Variants in GASK1A observed in about 807,000 individuals in gnomAD.
GASK1A encodes golgi associated kinase 1A, also known as Golgi-associated kinase 1A.
A neutral mutation model predicts 41.2 loss-of-function variants in GASK1A; 40 were observed. The observed-to-expected ratio is 0.97, with a 90% CI of 0.75 to 1.27. The LOEUF is 1.27. Among genes scored for constraint, GASK1A ranks in the 50% most tolerant of loss-of-function variants. The probability of loss-of-function intolerance (pLI) is 0.00; values close to 1 mark genes in which losing one functional copy is unlikely to be tolerated. For synonymous variants in GASK1A, 316 were observed against 307.1 expected, an observed-to-expected ratio of 1.03 and a Z score of -0.30; for missense variants, 678 against 745.1, an observed-to-expected ratio of 0.91 and a Z score of 1.05.
intron 2 of GASK1A, among the ~76,000 whole-genome samples, chr3:43,040,024 G>T (rs144045624): frequency 5.9e-4 from 90 of 152,238 alleles, no homozygotes; most frequent in Middle Eastern, 6.8e-3. Context: ...TTTTAAAAAT[G>T]TACATTGTTA....
rs1444679916 is a variant in GASK1A at position 43,032,402 on chromosome 3, A to C, written c.139A>C (p.Met47Leu). The change falls in exon 2 of 5, where the codon ATG becomes CTG. Residue 47 changes from methionine (M) to leucine (L), a missense_variant. By Grantham distance (15) the Met-to-Leu change is conservative. Transcript: ENST00000430121. The part of the protein sequence containing the change: ...RPSAGPDPGP[M>L]EPQGVTGAPA... ...ATCCGCCGGCCCAGACCCTGGTCCC[A>C]TGGAGCCTCAGGGGGTAACTGGCGC... 2 of 1,551,550 alleles carry C rather than the reference A, an allele frequency of 1.3e-6. No individual in the cohort carries two copies. The highest frequency in any genetic ancestry group is 3.9e-5 in the Admixed American group (2 of 51,002).
chr3:43,021,105 T>A (rs890840468), intron 1 of GASK1A, among the ~76,000 whole-genome samples: 1 of 152,034 alleles, frequency 6.6e-6, no homozygotes, highest in Admixed American at 6.5e-5. Flanking sequence ...GTGGTTCCTG[T>A]CCCCTGCCCC....
At chr3:43,006,494 T>A (rs1385288378) in intron 1 of GASK1A, among the ~76,000 whole-genome samples, 1 of 152,232 alleles carries the variant, frequency 6.6e-6, no homozygotes, top group Non-Finnish European at 1.5e-5. Context: ...TAATTTTCTG[T>A]CAGATTTTGA....
Position 42,979,401 on chromosome 3 carries a change from C to G in GASK1A, c.-242C>G. On this transcript the variant is annotated 5_prime_UTR_variant, in exon 1 of 5. In the 5' UTR this introduces an upstream ATG that the reference lacks. Transcript: ENST00000430121. The stretch of plus-strand genomic sequence containing the variant: ...CAGATCCCCGTAGATCTCAGTAGAT[C>G]CGGCGTGTATTCCCCACCCGCGGAG... 2.5e-6 allele frequency: 1 copy of G among 401,040 alleles called. No homozygotes were observed. Among genetic ancestry groups the G allele is most frequent in the Non-Finnish European group, 4.3e-6 (1 of 230,610 alleles). 24.8% of individuals were successfully genotyped at this position (401,040 alleles called of 1,614,324 possible).
intron 1 of GASK1A, among the ~76,000 whole-genome samples, chr3:43,027,023 A>G (rs1017087584): frequency 1.5e-4 from 23 of 152,246 alleles, no homozygotes; most frequent in African/African-American, 5.1e-4. Context: ...CAGGCAGGGT[A>G]AAAAATCAGT....
At chr3:43,021,782 C>A (rs540606465) in intron 1 of GASK1A, among the ~76,000 whole-genome samples, 42 of 152,330 alleles carry the variant, frequency 2.8e-4, no homozygotes, top group African/African-American at 9.6e-4. Flanking sequence ...GTGTCTTCAA[C>A]AAAACCTGTG....
At chr3:42,988,553 AAG>A (rs1303698406) in intron 1 of GASK1A, among the ~76,000 whole-genome samples, 1 of 152,254 alleles carries the variant, frequency 6.6e-6, no homozygotes, top group Non-Finnish European at 1.5e-5. Flanking sequence ...ATGCGAGATG[AAG>A]AGAGTAAGGC....
chr3:43,034,170 A>T (rs552015102), intron 2 of GASK1A, among the ~76,000 whole-genome samples: 1 of 152,344 alleles, frequency 6.6e-6, no homozygotes, highest in East Asian at 1.9e-4. Flanking sequence ...TGGTTGTATC[A>T]TTTTTAAAAA....
At chr3:43,019,033 A>T (rs537453542) in intron 1 of GASK1A, among the ~76,000 whole-genome samples, 17 of 152,330 alleles carry the variant, frequency 1.1e-4, no homozygotes, top group Non-Finnish European at 2.2e-4. Context: ...TAAAATAAGG[A>T]TGATAACAGT....
chr3:43,033,573 A>G lies in GASK1A; in HGVS notation c.1290+20A>G. 6.6e-7 allele frequency: 1 copy of G among 1,504,484 alleles called. No homozygotes were observed. Among genetic ancestry groups the G allele is most frequent in the Non-Finnish European group, 8.9e-7 (1 of 1,120,590 alleles). The allele number at this position is 1,504,484 out of a possible 1,614,324, so 93.2% of individuals were successfully genotyped here. On this transcript the variant is annotated intron_variant, in intron 2 of 4. Coordinates refer to ENST00000430121, the MANE Select transcript of GASK1A (RefSeq NM_001129908.3). ...TTGCAGGTAGGTGGGGTTGGGCAGC[A>G]GGGGTAGAGAGCTGCGGAGGTAGGG...
intron 1 of GASK1A, among the ~76,000 whole-genome samples, chr3:43,023,630 C>T (rs924605606): frequency 1.3e-5 from 2 of 152,034 alleles, no homozygotes; most frequent in African/African-American, 4.8e-5. Context: ...GCATGTAGTA[C>T]CTGTGTGTTT....
Position 43,033,187 on chromosome 3 carries a change from C to T in GASK1A, c.924C>T (p.Leu308=), listed in dbSNP as rs979094692. 3.2e-6 allele frequency: 5 copies of T among 1,551,240 alleles called. No individual in the cohort carries two copies. Among genetic ancestry groups the T allele is most frequent in the Non-Finnish European group, 3.5e-6 (4 of 1,146,702 alleles). The part of the protein sequence containing the change: ...AALQDLSSPR[L]SQLCSQGLCG... ...TTCAGGACCTGTCCTCTCCCAGGCT[C>T]AGCCAACTCTGTTCCCAAGGGCTCT... The change falls in exon 2 of 5, where the codon CTC becomes CTT. Residue 308 remains leucine, a synonymous_variant. Coordinates refer to ENST00000430121, the MANE Select transcript of GASK1A (RefSeq NM_001129908.3).
intron 2 of GASK1A, among the ~76,000 whole-genome samples, chr3:43,034,524 A>T (rs747672207): frequency 2.2e-4 from 34 of 152,334 alleles, no homozygotes; most frequent in Non-Finnish European, 4.0e-4. Context: ...CAAAAAACAG[A>T]TAAAGCTCAG....
chr3:43,034,874 C>T (rs1038905735), intron 2 of GASK1A, among the ~76,000 whole-genome samples: 1 of 152,212 alleles, frequency 6.6e-6, no homozygotes, highest in Non-Finnish European at 1.5e-5. Context: ...TGGCCACAGG[C>T]TCTACCTCTT....
At chr3:43,028,638 C>A (rs2089558633) in intron 1 of GASK1A, among the ~76,000 whole-genome samples, 1 of 152,138 alleles carries the variant, frequency 6.6e-6, no homozygotes, top group Admixed American at 6.5e-5. Context: ...ATGAAGGAAT[C>A]CCCAGAGCAA....
chr3:43,002,155 T>C (rs62249581), intron 1 of GASK1A, among the ~76,000 whole-genome samples: 33,275 of 152,118 alleles, frequency 0.22, 3,947 homozygotes, highest in South Asian at 0.32. Context: ...TCCTCCTTGT[T>C]AGATGGTCTA....
intron 1 of GASK1A, among the ~76,000 whole-genome samples, chr3:43,019,327 G>A (rs1202219312): frequency 1.3e-5 from 2 of 152,284 alleles, no homozygotes; most frequent in South Asian, 2.1e-4. Flanking sequence ...TGCCCACAGT[G>A]GAGCAAACAG....
rs1254694508 is a variant in GASK1A, at chr3:42,979,526, G to A, written c.-117G>A. ...CCGGGAAACCCGCCCCAGCCGAGTA[G>A]CCGCGCATCCTGGGAAGCCTGGCGA... is the stretch of plus-strand genomic sequence containing the variant. On this transcript the variant is annotated 5_prime_UTR_variant, in exon 1 of 5. Coordinates refer to ENST00000430121, the MANE Select transcript of GASK1A (RefSeq NM_001129908.3). 1.8e-6 allele frequency: 2 copies of A among 1,130,290 alleles called. No homozygotes were observed. 70.0% of individuals were successfully genotyped at this position (1,130,290 alleles called of 1,614,324 possible). A position where few individuals can be genotyped will look rare whatever the true frequency, so the allele number is the denominator to read the frequency against.
chr3:43,056,346 A>G lies in GASK1A; in HGVS notation c.1688A>G (p.Gln563Arg). The stretch of plus-strand genomic sequence containing the variant: ...GGACAGGTGCTGCTGGGACACATCC[A>G]AAAGCACAACCTCACACTCTTCAGG... Reference protein sequence around the residue: ...QRGQVLLGHIQKHNLTLFRDE... With the variant: ...QRGQVLLGHIRKHNLTLFRDE... The change falls in exon 5 of 5, where the codon CAA (glutamine) becomes CGA (arginine). Residue 563 changes from glutamine to arginine, a missense_variant. Transcript: ENST00000430121. 1 of 1,551,122 alleles carries G rather than the reference A, an allele frequency of 6.4e-7. No homozygotes were observed. The highest frequency in any genetic ancestry group is 1.2e-5 in the South Asian group (1 of 84,014).
Sources: gnomAD v4.1 joint callset for allele counts (sites outside exome capture counted in the v4.1 genomes callset) on GRCh38, gnomAD v4.1.1 for gene constraint, MANE v1.5 for transcripts, NCBI Gene and HGNC (gene_info 2026-07-23, HGNC 2026-07-21) for gene names.